PRELID2: variants seen among roughly 807,000 people sequenced by gnomAD.
PRELID2 encodes the protein PRELI domain containing 2, also known as PRELI domain-containing protein 2.
PRELID2 carries 25 observed loss-of-function variants against 28.4 expected under a neutral mutation model. That is an observed-to-expected ratio of 0.88 (90% CI 0.64 to 1.23). The LOEUF is 1.23. Ranked by LOEUF, PRELID2 falls within the 50% of genes most tolerant of loss-of-function variation. PRELID2 has a pLI of 0.00. For missense variants in PRELID2, 201 were observed against 214.4 expected (o/e 0.94, Z 0.39); for synonymous variants, 76 against 71.6 (o/e 1.06, Z -0.31).
the PRELID2 span, chr5:145,229,318 C>T: frequency 2.1e-4 from 157 of 744,346 alleles, 2 homozygotes; most frequent in African/African-American, 1.7e-3. Flanking sequence ...CAAAGCAACA[C>T]GGGATTCCCA....
chr5:145,668,254 T>C (rs1754635848), intron 1 of PRELID2, among the ~76,000 whole-genome samples: 1 of 152,118 alleles, frequency 6.6e-6, no homozygotes, highest in South Asian at 2.1e-4. Context: ...AAAGAGAAGA[T>C]TCTGTCTCCA....
the PRELID2 span, among the ~76,000 whole-genome samples, chr5:145,465,535 G>A: frequency 6.6e-6 from 1 of 152,046 alleles, no homozygotes; most frequent in Non-Finnish European, 1.5e-5. Context: ...AGCTGCCTGG[G>A]TTAACTCCGA....
At chr5:145,748,838 G>A (rs550450247) in intron 1 of PRELID2, among the ~76,000 whole-genome samples, 1 of 152,222 alleles carries the variant, frequency 6.6e-6, no homozygotes, top group East Asian at 1.9e-4. Flanking sequence ...ACAACCATCT[G>A]CCCTTTGACA....
chr5:145,711,236 G>C lies in PRELID2; in HGVS notation n.70+53695C>G, dbSNP rs151074764. On this transcript the variant is annotated intron_variant and non_coding_transcript_variant, in intron 1 of 2. Transcript: ENST00000510259. ...TTAGAAAGTAGGAGGTCATAGAAGA[G>C]TGTTGTTGCCATTCTAACAAAAAGA... 6.1e-3 allele frequency among the ~76,000 whole-genome samples: 927 copies of C among 152,316 alleles called. 12 individuals are homozygous for C. Among genetic ancestry groups the C allele is most frequent in the African/African-American group, 0.021 (886 of 41,576 alleles).
At chr5:145,799,077 G>A (rs949172019) in intron 4 of PRELID2, among the ~76,000 whole-genome samples, 3 of 149,856 alleles carry the variant, frequency 2.0e-5, no homozygotes, top group Non-Finnish European at 3.0e-5. Context: ...TAGTCAAACT[G>A]TCAAAAGTCA....
intron 1 of PRELID2, among the ~76,000 whole-genome samples, chr5:145,558,148 T>C (rs1266169531): frequency 6.6e-6 from 1 of 152,256 alleles, no homozygotes; most frequent in African/African-American, 2.4e-5. Context: ...CTCCGACATT[T>C]GGTTTCTGTT....
the PRELID2 span, among the ~76,000 whole-genome samples, chr5:145,362,939 G>A: frequency 6.6e-6 from 1 of 151,602 alleles, no homozygotes; most frequent in African/African-American, 2.4e-5. Context: ...CCACACCATG[G>A]GTCACCCTAC....
chr5:145,721,312 C>T (rs986542654), intron 1 of PRELID2, among the ~76,000 whole-genome samples: 1 of 152,064 alleles, frequency 6.6e-6, no homozygotes, highest in Non-Finnish European at 1.5e-5. Context: ...TTTCAAGGAT[C>T]CCCTACTGAA....
At chr5:145,541,484 G>C (rs1752744642) in intron 1 of PRELID2, among the ~76,000 whole-genome samples, 1 of 152,024 alleles carries the variant, frequency 6.6e-6, no homozygotes, top group Non-Finnish European at 1.5e-5. Flanking sequence ...TGGAACCACA[G>C]TTCATACACT....
the PRELID2 span, among the ~76,000 whole-genome samples, chr5:145,362,043 A>G: frequency 2.0e-5 from 3 of 152,216 alleles, no homozygotes; most frequent in Non-Finnish European, 2.9e-5. Flanking sequence ...TGTTTATGGC[A>G]GCATTACTAG....
intron 1 of PRELID2, among the ~76,000 whole-genome samples, chr5:145,609,109 AGTTCATTTTGGTTCTTTCCTAAAAT>A (rs1232707572): frequency 2.0e-5 from 3 of 152,182 alleles, no homozygotes; most frequent in Non-Finnish European, 4.4e-5. Flanking sequence ...CAGCTCTATC[AGTTCATTTTGGTTCTTTCCTAAAAT>A]GATCATTTCA....
chr5:145,676,211 A>C, intron 1 of PRELID2, among the ~76,000 whole-genome samples: 2 of 125,468 alleles, frequency 1.6e-5, no homozygotes, highest in African/African-American at 6.4e-5. Flanking sequence ...CAAGAGCGAA[A>C]CTCCATCTCA....
chr5:145,728,654 A>G, intron 1 of PRELID2: 2 of 1,438,130 alleles, frequency 1.4e-6, no homozygotes, highest in South Asian at 1.2e-5. Context: ...CAATATTTTC[A>G]ATGAATTTGT....
chr5:145,270,073 G>T, the PRELID2 span, among the ~76,000 whole-genome samples: 1 of 151,310 alleles, frequency 6.6e-6, no homozygotes, highest in African/African-American at 2.4e-5. Context: ...ACTATTAAAA[G>T]ACTTATCAAC....
At chr5:145,628,798 C>G (rs1004776098) in intron 1 of PRELID2, among the ~76,000 whole-genome samples, 2 of 152,102 alleles carry the variant, frequency 1.3e-5, no homozygotes, top group Non-Finnish European at 2.9e-5. Context: ...GATATAAATC[C>G]TGATCTGGCC....
chr5:145,251,531 C>T, the PRELID2 span, among the ~76,000 whole-genome samples: 1 of 152,072 alleles, frequency 6.6e-6, no homozygotes, highest in Admixed American at 6.6e-5. Flanking sequence ...GGAGACTAGC[C>T]TTGTGGCCTT....
At chr5:145,304,166 A>G in the PRELID2 span, among the ~76,000 whole-genome samples, 1 of 152,196 alleles carries the variant, frequency 6.6e-6, no homozygotes, top group African/African-American at 2.4e-5. Flanking sequence ...AACATAATGG[A>G]TAATATATGT....
the PRELID2 span, among the ~76,000 whole-genome samples, chr5:145,424,671 A>G: frequency 3.3e-5 from 5 of 152,170 alleles, no homozygotes; most frequent in East Asian, 7.8e-4. Flanking sequence ...AAATGCAGAA[A>G]TCACCCGTCT....
the PRELID2 span, among the ~76,000 whole-genome samples, chr5:145,418,602 C>G: frequency 6.6e-6 from 1 of 152,274 alleles, no homozygotes; most frequent in Admixed American, 6.5e-5. Flanking sequence ...CTACAACCAT[C>G]TTATCTTCCA....
Sources: allele counts gnomAD v4.1 joint callset (sites outside exome capture counted in the v4.1 genomes callset), GRCh38; gene constraint gnomAD v4.1.1; transcripts MANE v1.5; gene names NCBI Gene and HGNC (gene_info 2026-07-23, HGNC 2026-07-21).